GALNTL6: variants seen among roughly 807,000 people sequenced by gnomAD.
The protein encoded by GALNTL6 is polypeptide N-acetylgalactosaminyltransferase like 6.
In GALNTL6, 46 loss-of-function variants were observed where a neutral mutation model predicts 73.7. That is an observed-to-expected ratio of 0.62 (90% confidence interval 0.49 to 0.80). The LOEUF is 0.80. GALNTL6 is among the 30% of genes least tolerant of loss of function. The pLI is 0.00. For missense variants in GALNTL6, 604 were observed against 755.0 expected, an observed-to-expected ratio of 0.80 and a Z score of 2.34; for synonymous variants, 259 against 263.7, an observed-to-expected ratio of 0.98 and a Z score of 0.17.
intron 2 of GALNTL6, among the ~76,000 whole-genome samples, chr4:172,135,633 T>C (rs1034362550): frequency 3.9e-5 from 6 of 152,174 alleles, no homozygotes; most frequent in Non-Finnish European, 7.4e-5. Flanking sequence ...CTTTCCGACA[T>C]AGATTTTGCA....
At chr4:171,918,816 A>G (rs1737700870) in intron 2 of GALNTL6, among the ~76,000 whole-genome samples, 1 of 152,138 alleles carries the variant, frequency 6.6e-6, no homozygotes, top group African/African-American at 2.4e-5. Flanking sequence ...CTTAAAAAAG[A>G]AGGAAATTTC....
chr4:172,501,486 A>C lies in GALNTL6; in HGVS notation c.553+152797A>C, dbSNP rs117474548. ...TCTTTGAAATACACAAAGAAACACT[A>C]AAAAAATCAGTCTTAAAGCAGTTCA... On this transcript the variant is annotated intron_variant, in intron 5 of 12. Transcript: ENST00000506823. Among the ~76,000 whole-genome samples the C allele has an allele frequency of 6.0e-3, 917 of 152,254 alleles. 7 individuals carry two copies. The highest frequency in any genetic ancestry group is 0.036 in the East Asian group (186 of 5,186).
chr4:172,270,800 A>T (rs1339941488), intron 3 of GALNTL6, among the ~76,000 whole-genome samples: 5 of 150,800 alleles, frequency 3.3e-5, no homozygotes, highest in African/African-American at 4.9e-5. Flanking sequence ...GTCTATAGAT[A>T]TATAAAGGTA....
intron 5 of GALNTL6, among the ~76,000 whole-genome samples, chr4:172,655,040 A>C (rs1176868974): frequency 6.6e-6 from 1 of 152,198 alleles, no homozygotes; most frequent in Non-Finnish European, 1.5e-5. Context: ...TAAATTTAAG[A>C]GCACAGGTTC....
At position 172,909,686 on chromosome 4, in the gene GALNTL6, A is replaced by G. The variant is rs911116724; in HGVS notation, c.1042-21475A>G. 2.0e-5 allele frequency among the ~76,000 whole-genome samples: 3 copies of G among 152,134 alleles called. No individual in the cohort carries two copies. The East Asian group carries it at 5.8e-4, about 29-fold the overall frequency. On this transcript the variant is annotated intron_variant, in intron 8 of 12. Transcript: ENST00000506823. The stretch of plus-strand genomic sequence containing the variant: ...TCAAATACAGTCAGTCACTGTAGTT[A>G]AAAGTGGTACAACCTCTAGTTGGAA...
chr4:172,124,484 A>G (rs1167578101), intron 2 of GALNTL6, among the ~76,000 whole-genome samples: 1 of 152,220 alleles, frequency 6.6e-6, no homozygotes, highest in Non-Finnish European at 1.5e-5. Flanking sequence ...GTGAAATAAT[A>G]GTATTTCTTT....
chr4:172,076,132 G>C (rs1171391805), intron 2 of GALNTL6, among the ~76,000 whole-genome samples: 1 of 152,160 alleles, frequency 6.6e-6, no homozygotes, highest in Non-Finnish European at 1.5e-5. Context: ...TTTGGGAATT[G>C]ACCTAGATGC....
chr4:172,102,438 A>G (rs1261840042), intron 2 of GALNTL6, among the ~76,000 whole-genome samples: 1 of 152,170 alleles, frequency 6.6e-6, no homozygotes, highest in Non-Finnish European at 1.5e-5. Flanking sequence ...CCTCAAAGAA[A>G]TTACTCTGAT....
intron 5 of GALNTL6, among the ~76,000 whole-genome samples, chr4:172,487,335 TTTC>T (rs1733720732): frequency 1.4e-5 from 2 of 138,212 alleles, no homozygotes; most frequent in Non-Finnish European, 3.2e-5. Context: ...TCTTTCTTTC[TTTC>T]TTTCTTTCTT....
chr4:172,019,036 A>C (rs1580940), intron 2 of GALNTL6, among the ~76,000 whole-genome samples: 18,534 of 152,136 alleles, frequency 0.12, 2,856 homozygotes, highest in African/African-American at 0.36. Flanking sequence ...GGGATATGTT[A>C]GGAGGCAGAT....
At chr4:172,340,353 T>TG (rs1019827193) in intron 4 of GALNTL6, among the ~76,000 whole-genome samples, 6 of 152,178 alleles carry the variant, frequency 3.9e-5, no homozygotes, top group Non-Finnish European at 8.8e-5. Context: ...AGCTTGATTA[T>TG]GGTGTATGAT....
intron 5 of GALNTL6, among the ~76,000 whole-genome samples, chr4:172,781,961 A>G (rs1363303101): frequency 6.6e-6 from 1 of 151,516 alleles, no homozygotes. Context: ...ATAATTTAAA[A>G]CTTTCTCAAA....
intron 2 of GALNTL6, among the ~76,000 whole-genome samples, chr4:172,173,587 T>TA (rs1424970339): frequency 6.6e-6 from 1 of 152,228 alleles, no homozygotes; most frequent in East Asian, 1.9e-4. Context: ...TGAAATGAAT[T>TA]AATAGGAAGT....
intron 11 of GALNTL6, among the ~76,000 whole-genome samples, chr4:173,016,256 CCCACTGGGGCACTA>C (rs1324204269): frequency 3.3e-5 from 5 of 152,188 alleles, no homozygotes; most frequent in Non-Finnish European, 7.3e-5. Context: ...ACACAGAGTC[CCCACTGGGGCACTA>C]CCTAGTGGAT....
chr4:172,684,858 T>C (rs2111240468), intron 5 of GALNTL6, among the ~76,000 whole-genome samples: 1 of 152,246 alleles, frequency 6.6e-6, no homozygotes, highest in Non-Finnish European at 1.5e-5. Context: ...TTCCTCAAGC[T>C]CTCCATTTCT....
intron 5 of GALNTL6, among the ~76,000 whole-genome samples, chr4:172,354,686 G>T (rs770290096): frequency 3.3e-5 from 5 of 152,054 alleles, no homozygotes; most frequent in Non-Finnish European, 7.4e-5. Context: ...GTAAAAGATG[G>T]ATATTACCCA....
At chr4:171,978,929 A>G (rs906027215) in intron 2 of GALNTL6, among the ~76,000 whole-genome samples, 3 of 152,210 alleles carry the variant, frequency 2.0e-5, no homozygotes, top group African/African-American at 7.2e-5. Context: ...ATTGAAATAT[A>G]GTTATACATC....
At chr4:172,437,380 A>G (rs1234351153) in intron 5 of GALNTL6, among the ~76,000 whole-genome samples, 1 of 152,116 alleles carries the variant, frequency 6.6e-6, no homozygotes, top group Non-Finnish European at 1.5e-5. Flanking sequence ...ATGTGACCTG[A>G]ATATGTGAAA....
At chr4:172,424,142 G>A (rs569299241) in intron 5 of GALNTL6, among the ~76,000 whole-genome samples, 1 of 152,198 alleles carries the variant, frequency 6.6e-6, no homozygotes, top group East Asian at 1.9e-4. Context: ...TTTGACTTCA[G>A]CACTAATGCT....
Sources: gnomAD v4.1 joint callset for allele counts (sites outside exome capture counted in the v4.1 genomes callset) on GRCh38, gnomAD v4.1.1 for gene constraint, MANE v1.5 for transcripts, NCBI Gene and HGNC (gene_info 2026-07-23, HGNC 2026-07-21) for gene names.